Variants in FAM149B1 observed in about 807,000 individuals in gnomAD.
The protein encoded by FAM149B1 is family with sequence similarity 149 member B1, also known as primary cilium assembly protein FAM149B1.
A neutral mutation model predicts 75.3 loss-of-function variants in FAM149B1; 56 were observed. The observed-to-expected ratio is 0.74, with a 90% CI of 0.60 to 0.93. The LOEUF (loss-of-function observed/expected upper bound fraction) is 0.93. FAM149B1 is among the 40% of genes least tolerant of loss of function. FAM149B1 has a pLI of 0.00. For missense variants in FAM149B1, 639 were observed against 708.4 expected (o/e 0.90, Z 1.11); for synonymous variants, 259 against 256.1 (o/e 1.01, Z -0.11).
chr10:73,188,100 A>G (rs916132534), intron 3 of FAM149B1, among the ~76,000 whole-genome samples: 2 of 152,144 alleles, frequency 1.3e-5, no homozygotes, highest in African/African-American at 4.8e-5. Flanking sequence ...CAACAACAAC[A>G]AAAACAGTGT....
intron 5 of FAM149B1, 88 bp downstream of exon 5, chr10:73,193,681 C>A: frequency 2.4e-6 from 3 of 1,265,494 alleles, no homozygotes; most frequent in South Asian, 1.6e-5. Flanking sequence ...TAAAATACTT[C>A]TTCCTACTTA....
intron 5 of FAM149B1, chr10:73,201,008 G>A (rs1378156889): frequency 1.3e-5 from 4 of 313,594 alleles, no homozygotes; most frequent in South Asian, 4.0e-5. Context: ...TTGTTGGCAC[G>A]TGGGACTGAT....
intron 7 of FAM149B1, among the ~76,000 whole-genome samples, chr10:73,213,869 A>G (rs1161916600): frequency 1.3e-5 from 2 of 152,072 alleles, no homozygotes; most frequent in East Asian, 3.9e-4. Flanking sequence ...TGGCATTGGT[A>G]ATTTGATAGG....
rs775099470 is a variant in FAM149B1 at position 73,193,612 on chromosome 10, A to G, written c.542+19A>G. 21 of 1,547,990 alleles carry G rather than the reference A, an allele frequency of 1.4e-5. No homozygotes were observed. In the South Asian group the frequency reaches 2.4e-4, roughly 18 times the overall value. On this transcript the variant is annotated intron_variant, in intron 5 of 13. Transcript: ENST00000242505. ...CTACTATGTGAGTATTCCATTATGT[A>G]AGTACTTCAATGTGCCCTAATATGC...
At chr10:73,234,441 G>A (rs2043777390) in intron 10 of FAM149B1, 1 of 203,750 alleles carries the variant, frequency 4.9e-6, no homozygotes, top group African/African-American at 2.3e-5. Flanking sequence ...GAGAACTATA[G>A]TTATTAGGGA....
rs947361936 is a variant in FAM149B1, at chr10:73,242,070, G to A, written c.*1051G>A. On this transcript the variant is annotated 3_prime_UTR_variant, in exon 14 of 14. Transcript: ENST00000242505. Reference sequence around the variant, plus strand: ...ATAAATTCAAATAATCATAAATTACGGTAACTTTTTATTATACCAAGGTGT... The same window carrying A: ...ATAAATTCAAATAATCATAAATTACAGTAACTTTTTATTATACCAAGGTGT... The A allele has an allele frequency of 9.2e-5, 14 of 152,094 alleles. No individual in the cohort carries two copies. Among genetic ancestry groups the A allele is most frequent in the South Asian group, 6.2e-4 (3 of 4,812 alleles). The allele number at this position is 152,094 out of a possible 1,614,324, so 9.4% of individuals were successfully genotyped here.
chr10:73,232,362 A>G (rs1181945331), intron 9 of FAM149B1, among the ~76,000 whole-genome samples: 2 of 152,212 alleles, frequency 1.3e-5, no homozygotes, highest in African/African-American at 4.8e-5. Context: ...TGTGGTCCCA[A>G]CAGCTCTGGC....
chr10:73,210,814 ACT>A (rs1157119180), intron 7 of FAM149B1, among the ~76,000 whole-genome samples: 5 of 151,576 alleles, frequency 3.3e-5, no homozygotes, highest in East Asian at 3.9e-4. Flanking sequence ...AAGATGAGAG[ACT>A]CTGTCTCAAA....
At chr10:73,204,690 A>G (rs922475576) in intron 5 of FAM149B1, among the ~76,000 whole-genome samples, 4 of 151,164 alleles carry the variant, frequency 2.6e-5, no homozygotes, top group Admixed American at 1.3e-4. Flanking sequence ...AGGAGCATAT[A>G]TTTTGGGCAA....
chr10:73,230,791 C>G, intron 9 of FAM149B1: 2 of 302,566 alleles, frequency 6.6e-6, no homozygotes, highest in Non-Finnish European at 1.3e-5. Flanking sequence ...AGAATGAGTG[C>G]TATGACAGCC....
chr10:73,206,609 C>A (rs2133361887), intron 5 of FAM149B1, among the ~76,000 whole-genome samples: 1 of 152,344 alleles, frequency 6.6e-6, no homozygotes, highest in South Asian at 2.1e-4. Context: ...GTGGGGCAGA[C>A]CCAGGACCTT....
At chr10:73,210,713 C>T (rs140801505) in intron 7 of FAM149B1, among the ~76,000 whole-genome samples, 7 of 152,070 alleles carry the variant, frequency 4.6e-5, no homozygotes, top group East Asian at 3.9e-4. Context: ...GTTCCAGCTA[C>T]GCAAGAGACT....
intron 5 of FAM149B1, among the ~76,000 whole-genome samples, chr10:73,207,334 T>C (rs1385916450): frequency 1.3e-5 from 2 of 152,012 alleles, no homozygotes; most frequent in Non-Finnish European, 2.9e-5. Flanking sequence ...GAGGCCAAGA[T>C]GGGCAGATCA....
intron 13 of FAM149B1, among the ~76,000 whole-genome samples, chr10:73,240,598 G>C (rs553310644): frequency 6.6e-6 from 1 of 152,104 alleles, no homozygotes; most frequent in East Asian, 1.9e-4. Flanking sequence ...TGTAGTCCCA[G>C]CTACTCGGGG....
At chr10:73,225,155 T>A (rs2043508998) in intron 7 of FAM149B1, among the ~76,000 whole-genome samples, 1 of 152,236 alleles carries the variant, frequency 6.6e-6, no homozygotes, top group Non-Finnish European at 1.5e-5. Context: ...TAAACGATTA[T>A]GTTACTGGTT....
chr10:73,231,533 G>A (rs1173408689), intron 9 of FAM149B1, among the ~76,000 whole-genome samples: 1 of 152,170 alleles, frequency 6.6e-6, no homozygotes, highest in African/African-American at 2.4e-5. Flanking sequence ...TGGATGGAGT[G>A]GAAGGAACTG....
intron 6 of FAM149B1, among the ~76,000 whole-genome samples, chr10:73,209,782 C>A (rs2043147768): frequency 1.3e-5 from 2 of 152,196 alleles, no homozygotes; most frequent in African/African-American, 4.8e-5. Context: ...ATTTGATAGT[C>A]ACAGCAGCAT....
intron 5 of FAM149B1, among the ~76,000 whole-genome samples, chr10:73,194,978 C>T (rs2042770013): frequency 6.6e-6 from 1 of 152,182 alleles, no homozygotes; most frequent in Non-Finnish European, 1.5e-5. Context: ...GCCACCACGC[C>T]CAGCCCAAAG....
intron 3 of FAM149B1, among the ~76,000 whole-genome samples, chr10:73,190,718 C>G (rs527737004): frequency 1.4e-4 from 21 of 145,880 alleles, no homozygotes; most frequent in African/African-American, 5.4e-4. Flanking sequence ...ATCCCTCTGA[C>G]TGCTTTTTTT....
Sources: gnomAD v4.1 joint callset for allele counts (sites outside exome capture counted in the v4.1 genomes callset) on GRCh38, gnomAD v4.1.1 for gene constraint, MANE v1.5 for transcripts, NCBI Gene and HGNC (gene_info 2026-07-23, HGNC 2026-07-21) for gene names.